The following UQCC1 variants were observed in gnomAD, a reference collection of about 807,000 sequenced individuals.
The protein encoded by UQCC1 is bFGF-repressed Zic-binding protein.
A neutral mutation model predicts 48.0 loss-of-function variants in UQCC1; 38 were observed. The ratio of observed to expected loss-of-function variants is 0.79; its 90% CI spans 0.61 to 1.04. The LOEUF (loss-of-function observed/expected upper bound fraction) is 1.04. Ranked by LOEUF, UQCC1 falls within the 50% of genes least tolerant of loss-of-function variation. The pLI is 0.00. For missense variants in UQCC1, 368 were observed against 381.8 expected, an observed-to-expected ratio of 0.96 and a Z score of 0.30; for synonymous variants, 111 against 129.2, an observed-to-expected ratio of 0.86 and a Z score of 0.95.
intron 7 of UQCC1, among the ~76,000 whole-genome samples, chr20:35,321,228 AATG>A (rs2061121199): frequency 6.6e-5 from 10 of 151,232 alleles, no homozygotes; most frequent in Admixed American, 6.6e-4. Context: ...GTCTTTTAGC[AATG>A]ATGACAAAAT....
At chr20:35,319,784 G>GGA (rs1280536206) in intron 7 of UQCC1, among the ~76,000 whole-genome samples, 3 of 152,214 alleles carry the variant, frequency 2.0e-5, no homozygotes, top group Non-Finnish European at 4.4e-5. Flanking sequence ...GCATTCTCAA[G>GGA]GAGGAATATT....
intron 6 of UQCC1, among the ~76,000 whole-genome samples, chr20:35,354,164 T>C (rs2146406956): frequency 6.6e-6 from 1 of 152,278 alleles, no homozygotes; most frequent in Non-Finnish European, 1.5e-5. Context: ...AAATACCTAA[T>C]GATGCATTTC....
intron 8 of UQCC1, among the ~76,000 whole-genome samples, chr20:35,312,608 G>A (rs139141303): frequency 1.9e-4 from 29 of 152,304 alleles, no homozygotes; most frequent in Non-Finnish European, 3.7e-4. Context: ...CTTCCCAGGA[G>A]GGGTCATGCT....
intron 2 of UQCC1, among the ~76,000 whole-genome samples, chr20:35,384,949 A>G (rs2061920771): frequency 7.1e-6 from 1 of 141,454 alleles, no homozygotes; most frequent in African/African-American, 2.7e-5. Flanking sequence ...CCTGGGCAAC[A>G]CAGCAAGAAT....
intron 1 of UQCC1, among the ~76,000 whole-genome samples, 193 bp downstream of exon 1, chr20:35,411,747 G>A (rs1020467299): frequency 7.2e-5 from 11 of 152,124 alleles, no homozygotes; most frequent in Admixed American, 5.9e-4. Flanking sequence ...CTCGAAAGAT[G>A]GGGGAGCTAA....
At chr20:35,306,551 G>T in intron 9 of UQCC1, 115 bp downstream of exon 9, 1 of 781,884 alleles carries the variant, frequency 1.3e-6, no homozygotes, top group Non-Finnish European at 2.2e-6. Context: ...ATGTGATCTG[G>T]TCAGAATTCT....
intron 1 of UQCC1, among the ~76,000 whole-genome samples, chr20:35,405,353 A>G (rs1351543177): frequency 6.6e-6 from 1 of 152,216 alleles, no homozygotes; most frequent in Non-Finnish European, 1.5e-5. Context: ...CAAAAATACA[A>G]CAGCAAACCC....
At chr20:35,325,908 T>G (rs1274029168) in intron 7 of UQCC1, among the ~76,000 whole-genome samples, 1 of 150,792 alleles carries the variant, frequency 6.6e-6, no homozygotes, top group African/African-American at 2.4e-5. Context: ...AAGCTGCTCA[T>G]GGTGGCAAGA....
At chr20:35,327,833 C>T (rs2061211968) in intron 7 of UQCC1, among the ~76,000 whole-genome samples, 1 of 152,064 alleles carries the variant, frequency 6.6e-6, no homozygotes, top group African/African-American at 2.4e-5. Context: ...GAAACCCCTT[C>T]TTTACTAAAA....
intron 1 of UQCC1, among the ~76,000 whole-genome samples, chr20:35,401,647 A>G (rs1601029636): frequency 6.8e-6 from 1 of 147,896 alleles, no homozygotes; most frequent in East Asian, 2.0e-4. Context: ...AATTATAAAC[A>G]TGAAATCCAC....
intron 1 of UQCC1, among the ~76,000 whole-genome samples, chr20:35,408,591 G>A (rs1445136645): frequency 6.6e-6 from 1 of 151,914 alleles, no homozygotes; most frequent in Non-Finnish European, 1.5e-5. Context: ...AGTGGCTCAC[G>A]CCTGTAGTCC....
chr20:35,352,962 G>A (rs977234394), intron 6 of UQCC1, among the ~76,000 whole-genome samples: 4 of 151,972 alleles, frequency 2.6e-5, no homozygotes, highest in South Asian at 2.1e-4. Flanking sequence ...ATACAGGCAC[G>A]AGCCACTGCG....
At chr20:35,339,470 CG>C (rs951770919) in intron 7 of UQCC1, among the ~76,000 whole-genome samples, 51 of 152,160 alleles carry the variant, frequency 3.4e-4, no homozygotes, top group African/African-American at 1.2e-3. Flanking sequence ...CCAGATCAGA[CG>C]GAATAGCATA....
intron 5 of UQCC1, among the ~76,000 whole-genome samples, chr20:35,371,066 A>C (rs1423181612): frequency 6.6e-6 from 1 of 152,222 alleles, no homozygotes; most frequent in Non-Finnish European, 1.5e-5. Flanking sequence ...ATACTATATG[A>C]GCTAATAGTA....
rs368267067 is a variant in UQCC1, at chr20:35,374,277, C to A, written c.334-21G>T. The A allele has an allele frequency of 5.7e-6, 9 of 1,590,890 alleles. No individual in the cohort carries two copies. The African/African-American group carries it at 1.1e-4, about 19-fold the overall frequency. ...ATCTTCTAGACAAAGAGAATAAAAC[C>A]AAACTCAAGACATGACCAAGTGGAT... On this transcript the variant is annotated intron_variant, in intron 4 of 9. Coordinates refer to ENST00000374385, the MANE Select transcript of UQCC1 (RefSeq NM_018244.5).
chr20:35,331,341 A>C lies in UQCC1; in HGVS notation c.573+15823T>G, dbSNP rs143526121. On this transcript the variant is annotated intron_variant, in intron 7 of 9. Transcript: ENST00000374385. ...AGCAGAAAGGGGTCAAAAGTCCAAC[A>C]CCAAAAATATATATCTTTATAAGTC... Among the ~76,000 whole-genome samples the C allele has an allele frequency of 2.8e-4, 42 of 151,882 alleles. 1 individual carries two copies. Among genetic ancestry groups the C allele is most frequent in the East Asian group, 2.7e-3 (14 of 5,160 alleles).
chr20:35,362,949 G>T (rs2061622955), intron 6 of UQCC1, among the ~76,000 whole-genome samples: 4 of 148,302 alleles, frequency 2.7e-5, no homozygotes, highest in Non-Finnish European at 4.4e-5. Flanking sequence ...CTCTGTCTCT[G>T]TACAGGGGAG....
At chr20:35,381,863 G>T in intron 4 of UQCC1, 55 bp downstream of exon 4, 3 of 1,021,724 alleles carry the variant, frequency 2.9e-6, no homozygotes, top group South Asian at 2.8e-5. Context: ...AATCTATTAG[G>T]AGCAGAAAGC....
intron 6 of UQCC1, among the ~76,000 whole-genome samples, chr20:35,350,870 G>A (rs561000206): frequency 1.3e-5 from 2 of 151,912 alleles, no homozygotes; most frequent in African/African-American, 2.4e-5. Flanking sequence ...GTGAAACCCC[G>A]TCTCTCCCAA....
Sources: allele counts gnomAD v4.1 joint callset (sites outside exome capture counted in the v4.1 genomes callset), GRCh38; gene constraint gnomAD v4.1.1; transcripts MANE v1.5; gene names NCBI Gene and HGNC (gene_info 2026-07-23, HGNC 2026-07-21).